SH2D1A: variants seen among roughly 807,000 people sequenced by gnomAD.
The protein encoded by SH2D1A is SH2 domain containing 1A.
A neutral mutation model predicts 10.1 loss-of-function variants in SH2D1A; 6 were observed. The observed-to-expected ratio is 0.60, with a 90% CI of 0.33 to 1.18. SH2D1A has a LOEUF of 1.18. Among genes scored for constraint, SH2D1A ranks in the 50% most tolerant of loss-of-function variants. The probability of loss-of-function intolerance (pLI) is 0.04; values close to 1 mark genes in which losing one functional copy is unlikely to be tolerated. For synonymous variants in SH2D1A, 42 were observed against 36.9 expected (o/e 1.14, Z -0.51); for missense variants, 51 against 97.6 (o/e 0.52, Z 2.01).
At chrX:124,366,921 G>A (rs1316536580) in intron 2 of SH2D1A, among the ~76,000 whole-genome samples, 9 of 84,835 alleles carry the variant, frequency 1.1e-4, no homozygotes, top group Non-Finnish European at 2.4e-5. Flanking sequence ...ACACACACAC[G>A]TTTGTATATT....
At position 124,353,480 on chromosome X, in the gene SH2D1A, G is replaced by A. The variant is rs781743509; in HGVS notation, c.137+6701G>A. On this transcript the variant is annotated intron_variant, in intron 1 of 3. Transcript: ENST00000371139. Reference sequence around the variant, plus strand: ...TGTACTGAATGCTCTTATTAATGCAGATAGTTTTTTTTTTAAGTTTATTCC... The same window carrying A: ...TGTACTGAATGCTCTTATTAATGCAAATAGTTTTTTTTTTAAGTTTATTCC... Among the ~76,000 whole-genome samples the A allele has an allele frequency of 6.3e-5, 7 of 110,347 alleles. No individual in the cohort carries two copies. In the South Asian group the frequency reaches 2.3e-3, roughly 37 times the overall value.
intron 2 of SH2D1A, among the ~76,000 whole-genome samples, chrX:124,368,922 G>A (rs1051748427): frequency 9.0e-6 from 1 of 111,585 alleles, no homozygotes; most frequent in South Asian, 3.7e-4. Context: ...GTTCTCAATC[G>A]AGCTTTAGGA....
chrX:124,371,292 T>C (rs2060068496), intron 3 of SH2D1A, 59 bp from the exon 4 acceptor site: 6 of 794,510 alleles, frequency 7.6e-6, no homozygotes, highest in Non-Finnish European at 1.1e-5. Flanking sequence ...TTTGAGTTAA[T>C]CTGTAATTTT....
Position 124,353,381 on chromosome X carries a change from G to A in SH2D1A, c.137+6602G>A, listed in dbSNP as rs752182143. Among the ~76,000 whole-genome samples the A allele has an allele frequency of 2.5e-3, 282 of 111,376 alleles. 1 individual carries two copies. Among genetic ancestry groups the A allele is most frequent in the African/African-American group, 8.7e-3 (266 of 30,737 alleles). ...TGCTGATTTTTAAAAATCATAAATG[G>A]GATCTGTTTCCACTATATTTTCTGT... On this transcript the variant is annotated intron_variant, in intron 1 of 3. Transcript: ENST00000371139.
intron 1 of SH2D1A, among the ~76,000 whole-genome samples, chrX:124,361,274 G>A (rs987687910): frequency 8.1e-5 from 9 of 111,605 alleles, no homozygotes; most frequent in South Asian, 3.7e-4. Context: ...GCAAGAAGGC[G>A]GCTGTCTACA....
At chrX:124,359,698 A>G in intron 1 of SH2D1A, among the ~76,000 whole-genome samples, 1 of 112,078 alleles carries the variant, frequency 8.9e-6, no homozygotes, top group South Asian at 3.7e-4. Context: ...TTTATTCAGC[A>G]TATTATATAT....
chrX:124,354,466 A>G (rs1046095331), intron 1 of SH2D1A, among the ~76,000 whole-genome samples: 23 of 111,140 alleles, frequency 2.1e-4, no homozygotes, highest in Non-Finnish European at 2.6e-4. Context: ...TTGTTAATAC[A>G]TTCCCTCTAG....
intron 1 of SH2D1A, among the ~76,000 whole-genome samples, chrX:124,360,598 A>AT (rs1233801530): frequency 1.0e-4 from 7 of 67,788 alleles, no homozygotes; most frequent in African/African-American, 4.9e-4. Flanking sequence ...GCAAGACACC[A>AT]TTAAAAAAAA....
intron 2 of SH2D1A, among the ~76,000 whole-genome samples, chrX:124,369,056 A>G (rs1263182312): frequency 9.0e-6 from 1 of 111,171 alleles, no homozygotes; most frequent in Non-Finnish European, 1.9e-5. Flanking sequence ...TTCAATGAAA[A>G]ATTACCCCAA....
intron 1 of SH2D1A, among the ~76,000 whole-genome samples, chrX:124,363,945 T>C (rs986902652): frequency 1.0e-5 from 1 of 98,767 alleles, no homozygotes; most frequent in Non-Finnish European, 2.1e-5. Flanking sequence ...AAAAAATGTA[T>C]AGCACAGACA....
chrX:124,368,014 G>A lies in SH2D1A; in HGVS notation c.202-2162G>A, dbSNP rs185078407. ...AATCTAAGTAAAACACTGTAAAATA[G>A]GCCAGTCATTTGCTTATGAAACATC... On this transcript the variant is annotated intron_variant, in intron 2 of 3. Coordinates refer to ENST00000371139, the MANE Select transcript of SH2D1A (RefSeq NM_002351.5). 9.5e-4 allele frequency among the ~76,000 whole-genome samples: 106 copies of A among 111,623 alleles called. 2 individuals are homozygous for A. Among genetic ancestry groups the A allele is most frequent in the Admixed American group, 2.5e-3 (26 of 10,566 alleles).
At position 124,346,597 on chromosome X, in the gene SH2D1A, C is replaced by T. The variant is rs1386322124; in HGVS notation, c.-46C>T. ...CTGGCTGCAGTAGCAGCGGCATCTCCCTTGCACAGTTCTCCTCCTCGGCCT... is the reference window on the plus strand; with the variant it reads ...CTGGCTGCAGTAGCAGCGGCATCTCTCTTGCACAGTTCTCCTCCTCGGCCT... On this transcript the variant is annotated 5_prime_UTR_variant, in exon 1 of 4. Coordinates refer to ENST00000371139, the MANE Select transcript of SH2D1A (RefSeq NM_002351.5). 1 of 1,204,436 alleles carries T rather than the reference C, an allele frequency of 8.3e-7. No homozygotes were observed. Among genetic ancestry groups the T allele is most frequent in the Non-Finnish European group, 1.1e-6 (1 of 890,170 alleles).
chrX:124,353,350 T>C (rs183552471), intron 1 of SH2D1A, among the ~76,000 whole-genome samples: 245 of 112,017 alleles, frequency 2.2e-3, no homozygotes, highest in African/African-American at 7.5e-3. Context: ...TGTGTATGAA[T>C]GTGTATGCTG....
At position 124,346,620 on chromosome X, in the gene SH2D1A, C is replaced by T. The variant is rs767162957; in HGVS notation, c.-23C>T. On this transcript the variant is annotated 5_prime_UTR_variant, in exon 1 of 4. Coordinates refer to ENST00000371139, the MANE Select transcript of SH2D1A (RefSeq NM_002351.5). ...TCCCTTGCACAGTTCTCCTCCTCGG[C>T]CTGCCCAAGAGTCCACCAGGCCATG... 7.4e-6 allele frequency: 9 copies of T among 1,211,012 alleles called. No individual in the cohort carries two copies. In the East Asian group the frequency reaches 2.7e-4, roughly 36 times the overall value.
chrX:124,358,383 C>T (rs1002661407), intron 1 of SH2D1A, among the ~76,000 whole-genome samples: 23 of 111,737 alleles, frequency 2.1e-4, no homozygotes, highest in African/African-American at 7.2e-4. Flanking sequence ...TTATAGGTCT[C>T]GTTATATAAC....
Position 124,371,517 on chromosome X carries a change from GAAGCAT to G in SH2D1A, c.*127_*132del. ...CTAAAGCCATTGTAGTCCTGTAATG[GAAGCAT>G]CTAGCATGTCGTCAAAGCTGAAATG... On this transcript the variant is annotated 3_prime_UTR_variant, in exon 4 of 4. Transcript: ENST00000371139. The G allele has an allele frequency of 2.3e-6, 1 of 429,836 alleles. No individual in the cohort carries two copies. The highest frequency in any genetic ancestry group is 3.9e-6 in the Non-Finnish European group (1 of 255,849). 35.4% of individuals were successfully genotyped at this position (429,836 alleles called of 1,213,427 possible).
intron 2 of SH2D1A, among the ~76,000 whole-genome samples, chrX:124,368,656 C>T (rs747474405): frequency 2.3e-4 from 26 of 112,346 alleles, no homozygotes; most frequent in Non-Finnish European, 4.7e-4. Flanking sequence ...TGACTTTGGG[C>T]AAGCTGATTA....
At position 124,373,146 on chromosome X, in the gene SH2D1A, GCTTT is replaced by G. The variant is rs1256246960; in HGVS notation, c.*1756_*1759del. ...TCACATTTAAATAAAGTGTTTGAAA[GCTTT>G]ATTTACCTAATTTGTCTTGAAATAT... On this transcript the variant is annotated 3_prime_UTR_variant, in exon 4 of 4. Transcript: ENST00000371139. 2 of 140,382 alleles carry G rather than the reference GCTTT, an allele frequency of 1.4e-5. No individual in the cohort carries two copies. The highest frequency in any genetic ancestry group is 1.4e-5 in the Non-Finnish European group (1 of 70,338). The allele number at this position is 140,382 out of a possible 1,213,427, so 11.6% of individuals were successfully genotyped here.
At position 124,371,410 on chromosome X, in the gene SH2D1A, G is replaced by T; in HGVS notation, c.*19G>T. The T allele has an allele frequency of 9.4e-7, 1 of 1,061,536 alleles. No homozygotes were observed. Among genetic ancestry groups the T allele is most frequent in the Non-Finnish European group, 1.3e-6 (1 of 763,776 alleles). 87.5% of individuals were successfully genotyped at this position (1,061,536 alleles called of 1,213,427 possible). A position where few individuals can be genotyped will look rare whatever the true frequency, so the allele number is the denominator to read the frequency against. ...CCCATGAAGAAAAATAAAACACCTT[G>T]TACTTTATTTTCTATAATTTAAATA... On this transcript the variant is annotated 3_prime_UTR_variant, in exon 4 of 4. Coordinates refer to ENST00000371139, the MANE Select transcript of SH2D1A (RefSeq NM_002351.5).
Sources: gnomAD v4.1 joint callset for allele counts (sites outside exome capture counted in the v4.1 genomes callset) on GRCh38, gnomAD v4.1.1 for gene constraint, MANE v1.5 for transcripts, NCBI Gene and HGNC (gene_info 2026-07-23, HGNC 2026-07-21) for gene names.